LRFN5: variants seen among roughly 807,000 people sequenced by gnomAD.
LRFN5 encodes leucine-rich repeat and fibronectin type-III domain-containing protein 5.
A neutral mutation model predicts 45.6 loss-of-function variants in LRFN5; 24 were observed. The ratio of observed to expected loss-of-function variants is 0.53; its 90% confidence interval spans 0.38 to 0.74. LRFN5 has a LOEUF of 0.74. Ranked by LOEUF, LRFN5 falls within the 30% of genes least tolerant of loss-of-function variation. LRFN5 has a pLI of 0.00. For synonymous variants in LRFN5, 340 were observed against 313.8 expected (o/e 1.08, Z -0.88); for missense variants, 776 against 861.5 (o/e 0.90, Z 1.24).
chr14:41,706,807 A>C (rs1883085918), intron 1 of LRFN5, among the ~76,000 whole-genome samples: 1 of 152,202 alleles, frequency 6.6e-6, no homozygotes, highest in Non-Finnish European at 1.5e-5. Context: ...ATAGTATGTA[A>C]AGCCATATAG....
At chr14:41,727,923 C>T (rs2138785977) in intron 1 of LRFN5, among the ~76,000 whole-genome samples, 1 of 152,198 alleles carries the variant, frequency 6.6e-6, no homozygotes, top group Admixed American at 6.5e-5. Context: ...TACTAAATTG[C>T]TAAATAATCT....
chr14:41,660,361 A>G (rs964279992), intron 1 of LRFN5, among the ~76,000 whole-genome samples: 4 of 152,044 alleles, frequency 2.6e-5, no homozygotes, highest in African/African-American at 4.8e-5. Flanking sequence ...CAGTGCTTCT[A>G]TTTCAACCCC....
intron 1 of LRFN5, among the ~76,000 whole-genome samples, chr14:41,725,481 C>T (rs1883891962): frequency 6.6e-6 from 1 of 152,134 alleles, no homozygotes; most frequent in Non-Finnish European, 1.5e-5. Context: ...GGCTATTGTC[C>T]ACTGCCTGAC....
chr14:41,748,668 C>T (rs555087656), intron 1 of LRFN5, among the ~76,000 whole-genome samples: 1 of 151,984 alleles, frequency 6.6e-6, no homozygotes, highest in South Asian at 2.1e-4. Context: ...TGCATTTTTA[C>T]CCCAATATTA....
At chr14:41,764,410 A>G (rs1885794863) in intron 1 of LRFN5, among the ~76,000 whole-genome samples, 1 of 152,198 alleles carries the variant, frequency 6.6e-6, no homozygotes, top group Non-Finnish European at 1.5e-5. Context: ...GTAAATCTTA[A>G]TAAAAGGTAT....
At chr14:41,789,472 C>T (rs910731506) in intron 2 of LRFN5, among the ~76,000 whole-genome samples, 1 of 151,932 alleles carries the variant, frequency 6.6e-6, no homozygotes, top group African/African-American at 2.4e-5. Flanking sequence ...TGAATACAGA[C>T]CTAAATGTCA....
rs866037662 is a variant in LRFN5 at position 41,761,231 on chromosome 14, G to A, written c.-196-5623G>A. Among the ~76,000 whole-genome samples, 60 of 150,752 alleles carry A rather than the reference G, an allele frequency of 4.0e-4. No individual in the cohort carries two copies. The Middle Eastern group carries it at 0.01, about 26-fold the overall frequency. ...TGGACAAAAGGTTTAAGTATAAGTT[G>A]TTGAGTTACTGAAGGGAAAAAGAGA... is the stretch of plus-strand genomic sequence containing the variant. On this transcript the variant is annotated intron_variant, in intron 1 of 5. Coordinates refer to ENST00000298119, the MANE Select transcript of LRFN5 (RefSeq NM_152447.5).
intron 1 of LRFN5, among the ~76,000 whole-genome samples, chr14:41,673,322 G>A (rs546949970): frequency 9.7e-4 from 147 of 151,122 alleles, no homozygotes; most frequent in African/African-American, 3.4e-3. Flanking sequence ...CCTCCGGGAC[G>A]AGGCGGCTGG....
At chr14:41,814,951 CA>C (rs1399184996) in intron 2 of LRFN5, among the ~76,000 whole-genome samples, 2 of 151,964 alleles carry the variant, frequency 1.3e-5, no homozygotes, top group Non-Finnish European at 2.9e-5. Flanking sequence ...AGAAGAACAG[CA>C]TGGAAAAACA....
chr14:41,901,050 A>G (rs1009752897), intron 5 of LRFN5, among the ~76,000 whole-genome samples: 4 of 152,018 alleles, frequency 2.6e-5, no homozygotes, highest in East Asian at 1.9e-4. Flanking sequence ...CCCCATGCCA[A>G]TTTTCTTTTT....
intron 3 of LRFN5, 120 bp downstream of exon 3, chr14:41,888,130 G>T: frequency 2.6e-6 from 2 of 758,636 alleles, no homozygotes; most frequent in Non-Finnish European, 4.2e-6. Context: ...ATATTTTAAA[G>T]TGCATAGTGT....
At position 41,674,410 on chromosome 14, in the gene LRFN5, G is replaced by C. The variant is rs1389089896; in HGVS notation, c.-197+65848G>C. On this transcript the variant is annotated intron_variant, in intron 1 of 5. Coordinates refer to ENST00000298119, the MANE Select transcript of LRFN5 (RefSeq NM_152447.5). ...CCCCACCTCCCTCCCGGACGGGGCG[G>C]CTGGCCGGGCAGAGGAGCTCCTCAC... 5.0e-3 allele frequency among the ~76,000 whole-genome samples: 684 copies of C among 138,166 alleles called. 1 individual carries two copies. The highest frequency in any genetic ancestry group is 7.9e-3 in the Non-Finnish European group (494 of 62,636). The allele number at this position is 138,166 out of a possible 152,430, so 90.6% of individuals were successfully genotyped here.
intron 2 of LRFN5, among the ~76,000 whole-genome samples, chr14:41,836,382 A>C (rs1221243867): frequency 6.6e-6 from 1 of 152,250 alleles, no homozygotes; most frequent in Non-Finnish European, 1.5e-5. Flanking sequence ...CATGAATTGC[A>C]CATACTTGAT....
intron 1 of LRFN5, among the ~76,000 whole-genome samples, chr14:41,736,874 A>G (rs995296748): frequency 6.6e-6 from 1 of 152,190 alleles, no homozygotes; most frequent in Non-Finnish European, 1.5e-5. Flanking sequence ...TACCAATCCA[A>G]AAAAGCCCAG....
chr14:41,795,514 T>G (rs561602845), intron 2 of LRFN5, among the ~76,000 whole-genome samples: 1 of 152,190 alleles, frequency 6.6e-6, no homozygotes, highest in South Asian at 2.1e-4. Flanking sequence ...TAGCAAAGAC[T>G]TGGAACCAAC....
chr14:41,856,675 A>T lies in LRFN5; in HGVS notation c.-20-29931A>T, dbSNP rs376861608. 3.8e-3 allele frequency among the ~76,000 whole-genome samples: 69 copies of T among 18,332 alleles called. 1 individual carries two copies. The highest frequency in any genetic ancestry group is 9.7e-3 in the Admixed American group (8 of 826). 12.0% of individuals were successfully genotyped at this position (18,332 alleles called of 152,430 possible). On this transcript the variant is annotated intron_variant, in intron 2 of 5. Transcript: ENST00000298119. The stretch of plus-strand genomic sequence containing the variant: ...TTCTTTCCTAATTATTATTATTATT[A>T]TTTTTTTTTTTTTTTTTTTGAGACG...
At chr14:41,611,495 CCTT>C (rs1887754377) in intron 1 of LRFN5, among the ~76,000 whole-genome samples, 1 of 152,140 alleles carries the variant, frequency 6.6e-6, no homozygotes, top group African/African-American at 2.4e-5. Context: ...CCAAAAGCCT[CCTT>C]CTTTGTAAGC....
At chr14:41,788,239 A>G (rs1291983555) in intron 2 of LRFN5, among the ~76,000 whole-genome samples, 2 of 152,164 alleles carry the variant, frequency 1.3e-5, no homozygotes, top group Admixed American at 1.3e-4. Context: ...ACCTTCTAAC[A>G]GCTTTAAATG....
At chr14:41,717,353 G>A (rs1883534322) in intron 1 of LRFN5, among the ~76,000 whole-genome samples, 1 of 152,170 alleles carries the variant, frequency 6.6e-6, no homozygotes, top group South Asian at 2.1e-4. Flanking sequence ...TGAACATATT[G>A]AGGAAAGAAT....
Sources: gnomAD v4.1 joint callset for allele counts (sites outside exome capture counted in the v4.1 genomes callset) on GRCh38, gnomAD v4.1.1 for gene constraint, MANE v1.5 for transcripts, NCBI Gene and HGNC (gene_info 2026-07-23, HGNC 2026-07-21) for gene names.